PARM1: variants seen among roughly 807,000 people sequenced by gnomAD.
PARM1 encodes prostate androgen-regulated mucin-like protein 1, also known as WSC4, cell wall integrity and stress response component 4 homolog.
In PARM1, 14 loss-of-function variants were observed where a neutral mutation model predicts 24.6. That is an observed-to-expected ratio of 0.57 (90% CI 0.38 to 0.89). The LOEUF is 0.89. Among genes scored for constraint, PARM1 ranks in the 40% least tolerant of loss-of-function variants. PARM1 has a pLI of 0.00. For missense variants in PARM1, 362 were observed against 380.4 expected (o/e 0.95, Z 0.40); for synonymous variants, 179 against 156.6 (o/e 1.14, Z -1.07).
chr4:75,044,480 C>G (rs1723559993), intron 3 of PARM1, among the ~76,000 whole-genome samples: 1 of 152,168 alleles, frequency 6.6e-6, no homozygotes, highest in Non-Finnish European at 1.5e-5. Context: ...TGAGGACTTA[C>G]TGTGTGTCAG....
chr4:74,969,458 T>C (rs1038778275), intron 1 of PARM1: 2 of 152,222 alleles, frequency 1.3e-5, no homozygotes, highest in Non-Finnish European at 2.9e-5. Flanking sequence ...TTGTATCCAG[T>C]GCTAGGACAT....
chr4:74,969,163 G>A (rs948987413), intron 1 of PARM1, among the ~76,000 whole-genome samples: 4 of 152,148 alleles, frequency 2.6e-5, no homozygotes, highest in Non-Finnish European at 5.9e-5. Context: ...GGTGCGGAAG[G>A]GCAGCCGACA....
intron 2 of PARM1, among the ~76,000 whole-genome samples, chr4:75,029,733 T>C (rs1460720067): frequency 5.3e-5 from 8 of 152,034 alleles, no homozygotes; most frequent in South Asian, 2.1e-4. Context: ...AAGTGCACAG[T>C]GAGAAGGGCA....
At position 74,980,751 on chromosome 4, in the gene PARM1, C is replaced by T. The variant is rs568070133; in HGVS notation, c.44-31674C>T. Reference sequence around the variant, plus strand: ...GTAACCAAAATGGCTGGTACCAAAACAGTACTGGTACAAAAGCAGACACAT... The same window carrying T: ...GTAACCAAAATGGCTGGTACCAAAATAGTACTGGTACAAAAGCAGACACAT... On this transcript the variant is annotated intron_variant, in intron 1 of 3. Coordinates refer to ENST00000307428, the MANE Select transcript of PARM1 (RefSeq NM_015393.4). Among the ~76,000 whole-genome samples the T allele has an allele frequency of 8.6e-5, 13 of 151,968 alleles. No individual in the cohort carries two copies. The East Asian group carries it at 2.1e-3, about 25-fold the overall frequency.
chr4:75,025,623 C>T (rs1723168709), intron 2 of PARM1, among the ~76,000 whole-genome samples: 1 of 152,062 alleles, frequency 6.6e-6, no homozygotes, highest in Non-Finnish European at 1.5e-5. Flanking sequence ...AATGTGCGCT[C>T]CCCAGGTCCT....
At position 74,978,064 on chromosome 4, in the gene PARM1, T is replaced by C. The variant is rs1032359207; in HGVS notation, c.44-34361T>C. Among the ~76,000 whole-genome samples, 7 of 152,300 alleles carry C rather than the reference T, an allele frequency of 4.6e-5. No homozygotes were observed. The East Asian group carries it at 1.4e-3, about 29-fold the overall frequency. On this transcript the variant is annotated intron_variant, in intron 1 of 3. Coordinates refer to ENST00000307428, the MANE Select transcript of PARM1 (RefSeq NM_015393.4). ...TATGAAGCAACTACATTGACAAGTCTGCAAAATAACTGGCTAGAATCATGA... is the reference window on the plus strand; with the variant it reads ...TATGAAGCAACTACATTGACAAGTCCGCAAAATAACTGGCTAGAATCATGA...
intron 1 of PARM1, among the ~76,000 whole-genome samples, chr4:74,974,054 G>A (rs759651645): frequency 1.4e-4 from 21 of 152,248 alleles, no homozygotes; most frequent in Admixed American, 9.1e-4. Flanking sequence ...GGTTGTTGAC[G>A]GTGTGATTTA....
chr4:74,953,046 T>C (rs74775032), intron 1 of PARM1, among the ~76,000 whole-genome samples: 4,485 of 152,314 alleles, frequency 0.029, 77 homozygotes, highest in Non-Finnish European at 0.045. Context: ...AGATAGTCTA[T>C]ATATTGAAGA....
At chr4:75,002,035 C>A (rs1722690045) in intron 1 of PARM1, among the ~76,000 whole-genome samples, 1 of 152,212 alleles carries the variant, frequency 6.6e-6, no homozygotes, top group South Asian at 2.1e-4. Context: ...TGGGATGCCA[C>A]TGAGAACTGT....
chr4:74,969,143 T>C (rs1721969985), intron 1 of PARM1, among the ~76,000 whole-genome samples: 1 of 152,090 alleles, frequency 6.6e-6, no homozygotes, highest in South Asian at 2.1e-4. Flanking sequence ...CTCCTGGCAA[T>C]GAGGGAGAGG....
intron 3 of PARM1, among the ~76,000 whole-genome samples, chr4:75,036,286 G>A (rs1368808751): frequency 6.6e-6 from 1 of 152,150 alleles, no homozygotes; most frequent in Non-Finnish European, 1.5e-5. Context: ...AAGAATTCAA[G>A]TTTACCACCT....
intron 1 of PARM1, among the ~76,000 whole-genome samples, chr4:74,945,315 CA>C (rs1242216214): frequency 6.6e-6 from 1 of 152,122 alleles, no homozygotes; most frequent in African/African-American, 2.4e-5. Flanking sequence ...ATTCCCTTTA[CA>C]ATTTTAAAAG....
intron 1 of PARM1, among the ~76,000 whole-genome samples, chr4:75,011,704 G>A (rs1722874042): frequency 6.6e-6 from 1 of 152,142 alleles, no homozygotes; most frequent in Non-Finnish European, 1.5e-5. Context: ...GTGATATGAT[G>A]GTAAGGACCT....
intron 1 of PARM1, among the ~76,000 whole-genome samples, chr4:74,977,439 C>T (rs1189791787): frequency 1.3e-5 from 2 of 152,028 alleles, no homozygotes; most frequent in Non-Finnish European, 2.9e-5. Context: ...TGAACAAAAC[C>T]TCTGATAACT....
intron 2 of PARM1, among the ~76,000 whole-genome samples, chr4:75,030,950 T>C (rs945724378): frequency 6.6e-6 from 1 of 152,166 alleles, no homozygotes. Context: ...CAGGGGGAAA[T>C]GGCATTTGTT....
intron 2 of PARM1, among the ~76,000 whole-genome samples, chr4:75,020,002 T>A (rs1485017725): frequency 4.5e-5 from 4 of 88,910 alleles, no homozygotes; most frequent in African/African-American, 1.7e-4. Flanking sequence ...AGAACGAGAC[T>A]CCGTCTCAAA....
chr4:75,007,095 A>G (rs1406157718), intron 1 of PARM1, among the ~76,000 whole-genome samples: 1 of 152,226 alleles, frequency 6.6e-6, no homozygotes, highest in Non-Finnish European at 1.5e-5. Context: ...AAAAGAAGAC[A>G]TTTATGCAGC....
At chr4:74,979,164 A>G (rs1377038539) in intron 1 of PARM1, among the ~76,000 whole-genome samples, 1 of 152,014 alleles carries the variant, frequency 6.6e-6, no homozygotes, top group African/African-American at 2.4e-5. Context: ...AAACCTTCGA[A>G]AAAATCAATG....
chr4:74,963,528 TTGC>T (rs750688139), intron 1 of PARM1, among the ~76,000 whole-genome samples: 11 of 152,194 alleles, frequency 7.2e-5, no homozygotes, highest in Non-Finnish European at 1.3e-4. Context: ...TAAAAACATT[TTGC>T]TGAGTGAATG....
Sources: gnomAD v4.1 joint callset for allele counts (sites outside exome capture counted in the v4.1 genomes callset) on GRCh38, gnomAD v4.1.1 for gene constraint, MANE v1.5 for transcripts, NCBI Gene and HGNC (gene_info 2026-07-23, HGNC 2026-07-21) for gene names.